The following ADAM12 variants were observed in gnomAD, a reference collection of about 807,000 sequenced individuals.
ADAM12 encodes the protein ADAM metallopeptidase domain 12.
Under a neutral mutation model 106.4 loss-of-function variants are expected in ADAM12, and 70 were observed. The ratio of observed to expected loss-of-function variants is 0.66; its 90% CI spans 0.54 to 0.80. The LOEUF is 0.80. Ranked by LOEUF, ADAM12 falls within the 30% of genes least tolerant of loss-of-function variation. The pLI is 0.00. For missense variants in ADAM12, 1,010 were observed against 1,171.9 expected, an observed-to-expected ratio of 0.86 and a Z score of 2.02; for synonymous variants, 420 against 433.5, an observed-to-expected ratio of 0.97 and a Z score of 0.39.
chr10:126,369,782 A>T (rs1856046525), intron 1 of ADAM12, among the ~76,000 whole-genome samples: 2 of 152,142 alleles, frequency 1.3e-5, no homozygotes, highest in African/African-American at 2.4e-5. Context: ...TAGACTGTTG[A>T]GATGGTTCCC....
At chr10:126,331,337 T>C (rs1854504694) in intron 1 of ADAM12, among the ~76,000 whole-genome samples, 2 of 152,152 alleles carry the variant, frequency 1.3e-5, no homozygotes, top group Admixed American at 1.3e-4. Flanking sequence ...CCCTCACATG[T>C]TATTCCCATT....
rs73378671 is a variant in ADAM12 at position 126,122,269 on chromosome 10, C to T, written c.417-4045G>A. Among the ~76,000 whole-genome samples, 803 of 152,236 alleles carry T rather than the reference C, an allele frequency of 5.3e-3. 7 individuals are homozygous for T. Among genetic ancestry groups the T allele is most frequent in the African/African-American group, 0.018 (758 of 41,530 alleles). ...AAGTCATTCTATGAAGTGTTGCCTT[C>T]CCCCACACTGGTGTCCACGTATATC... On this transcript the variant is annotated intron_variant, in intron 5 of 22. Coordinates refer to ENST00000448723, the MANE Select transcript of ADAM12 (RefSeq NM_001288973.2).
chr10:126,050,269 A>G (rs1170888214), intron 14 of ADAM12, among the ~76,000 whole-genome samples: 2 of 152,334 alleles, frequency 1.3e-5, no homozygotes, highest in African/African-American at 4.8e-5. Context: ...CCCTATGTAC[A>G]ACATGACGGT....
chr10:126,128,614 G>A (rs925942615), intron 5 of ADAM12, among the ~76,000 whole-genome samples: 8 of 151,630 alleles, frequency 5.3e-5, no homozygotes, highest in African/African-American at 1.9e-4. Flanking sequence ...GTGTGCAAGT[G>A]GGGGCCTGTG....
At chr10:126,350,615 G>A (rs1273200285) in intron 1 of ADAM12, among the ~76,000 whole-genome samples, 2 of 152,236 alleles carry the variant, frequency 1.3e-5, no homozygotes, top group Admixed American at 6.5e-5. Context: ...GTGAGCAGCT[G>A]TGTCTGTTGT....
chr10:126,363,027 T>C (rs1032527195), intron 1 of ADAM12, among the ~76,000 whole-genome samples: 1 of 152,158 alleles, frequency 6.6e-6, no homozygotes, highest in Non-Finnish European at 1.5e-5. Context: ...TATTTATAAA[T>C]CATAACATCA....
At chr10:126,241,769 A>G (rs975534487) in intron 3 of ADAM12, among the ~76,000 whole-genome samples, 13 of 152,358 alleles carry the variant, frequency 8.5e-5, no homozygotes, top group Non-Finnish European at 1.2e-4. Flanking sequence ...ATTAGAAATG[A>G]CATGTGCATG....
intron 11 of ADAM12, among the ~76,000 whole-genome samples, chr10:126,092,609 G>C (rs1433190059): frequency 6.6e-6 from 1 of 152,092 alleles, no homozygotes; most frequent in Admixed American, 6.5e-5. Flanking sequence ...TTAGTACTTT[G>C]ACTTTGTGTA....
intron 3 of ADAM12, among the ~76,000 whole-genome samples, chr10:126,236,070 C>A (rs1229031554): frequency 6.6e-6 from 1 of 152,158 alleles, no homozygotes; most frequent in Non-Finnish European, 1.5e-5. Context: ...TGGGTTCCAA[C>A]CTGAAAAGGA....
chr10:126,158,450 CACGGGGAGAGA>C (rs1956863750), intron 3 of ADAM12, among the ~76,000 whole-genome samples: 5 of 116,262 alleles, frequency 4.3e-5, no homozygotes, highest in Admixed American at 2.0e-4. Flanking sequence ...ATGCACAGAG[CACGGGGAGAGA>C]ATGCACAGAG....
chr10:126,335,741 T>A (rs1196995258), intron 1 of ADAM12, among the ~76,000 whole-genome samples: 4 of 152,138 alleles, frequency 2.6e-5, no homozygotes, highest in Non-Finnish European at 4.4e-5. Context: ...AGTAACTTTA[T>A]AATAGAGAAA....
intron 17 of ADAM12, among the ~76,000 whole-genome samples, chr10:126,044,559 C>A (rs1565007864): frequency 6.6e-6 from 1 of 152,162 alleles, no homozygotes; most frequent in South Asian, 2.1e-4. Flanking sequence ...GTAAATCAAT[C>A]CTAAAGGCCT....
chr10:126,044,283 A>G (rs1259229196), intron 17 of ADAM12, among the ~76,000 whole-genome samples: 1 of 151,924 alleles, frequency 6.6e-6, no homozygotes, highest in African/African-American at 2.4e-5. Flanking sequence ...AAAGATAAAA[A>G]AAAAAAAAGT....
intron 4 of ADAM12, among the ~76,000 whole-genome samples, chr10:126,139,282 C>T (rs1225753149): frequency 6.6e-6 from 1 of 151,740 alleles, no homozygotes; most frequent in African/African-American, 2.4e-5. Flanking sequence ...TTCCACGTGG[C>T]TGTTGGAAAA....
chr10:126,254,247 G>A (rs60397481), intron 3 of ADAM12, among the ~76,000 whole-genome samples: 5,134 of 152,288 alleles, frequency 0.034, 328 homozygotes, highest in African/African-American at 0.11. Flanking sequence ...TGACCTGGTG[G>A]GAGTCATTTG....
chr10:126,225,446 C>T (rs761453101), intron 3 of ADAM12, among the ~76,000 whole-genome samples: 1 of 152,192 alleles, frequency 6.6e-6, no homozygotes, highest in African/African-American at 2.4e-5. Context: ...CGGGATCGCA[C>T]GGCAATTAGT....
rs116330733 is a variant in ADAM12, at chr10:126,072,291, C to T, written c.1146-637G>A. 2.2e-3 allele frequency among the ~76,000 whole-genome samples: 341 copies of T among 152,192 alleles called. 4 individuals are homozygous for T. Among genetic ancestry groups the T allele is most frequent in the African/African-American group, 7.0e-3 (289 of 41,524 alleles). ...AAACAACCGGGTGCCTCTAAACAAC[C>T]GGGTGTGGCAGGGTCAGCCAACTCC... On this transcript the variant is annotated intron_variant, in intron 11 of 22. Coordinates refer to ENST00000448723, the MANE Select transcript of ADAM12 (RefSeq NM_001288973.2).
chr10:126,206,548 C>A (rs1232020109), intron 3 of ADAM12, among the ~76,000 whole-genome samples: 2 of 152,174 alleles, frequency 1.3e-5, no homozygotes, highest in South Asian at 4.1e-4. Context: ...ATATCCAACA[C>A]TGACAAACAC....
intron 3 of ADAM12, among the ~76,000 whole-genome samples, chr10:126,257,424 C>T (rs1958914556): frequency 1.3e-5 from 2 of 152,146 alleles, no homozygotes; most frequent in South Asian, 2.1e-4. Flanking sequence ...CAAAGGAACT[C>T]GATCTGACTC....
Sources: gnomAD v4.1 joint callset for allele counts (sites outside exome capture counted in the v4.1 genomes callset) on GRCh38, gnomAD v4.1.1 for gene constraint, MANE v1.5 for transcripts, NCBI Gene and HGNC (gene_info 2026-07-23, HGNC 2026-07-21) for gene names.